The following UTRN variants were observed in gnomAD, a reference collection of about 807,000 sequenced individuals.
UTRN encodes utrophin.
UTRN carries 283 observed loss-of-function variants against 463.9 expected under a neutral mutation model. The ratio of observed to expected loss-of-function variants is 0.61; its 90% CI spans 0.55 to 0.67. The LOEUF is 0.67. Among genes scored for constraint, UTRN ranks in the 30% least tolerant of loss-of-function variants. UTRN has a pLI of 0.00. For missense variants in UTRN, 3,922 were observed against 4,084.3 expected, an observed-to-expected ratio of 0.96 and a Z score of 1.08; for synonymous variants, 1,442 against 1,431.5, an observed-to-expected ratio of 1.01 and a Z score of -0.17.
intron 51 of UTRN, among the ~76,000 whole-genome samples, chr6:144,617,744 G>A (rs1185857810): frequency 1.3e-5 from 2 of 152,158 alleles, no homozygotes; most frequent in South Asian, 4.2e-4. Context: ...CATCAGTCTT[G>A]CTCTGCATAG....
chr6:144,652,248 A>G (rs1357613964), intron 51 of UTRN, among the ~76,000 whole-genome samples: 1 of 152,138 alleles, frequency 6.6e-6, no homozygotes, highest in Non-Finnish European at 1.5e-5. Flanking sequence ...ATTTCCTTTA[A>G]TATTTTGTTA....
At chr6:144,774,410 T>A (rs756570881) in intron 60 of UTRN, 46 bp downstream of exon 60, 245 of 859,110 alleles carry the variant, frequency 2.9e-4, no homozygotes, top group Non-Finnish European at 3.4e-4. Context: ...TTGAATTGCG[T>A]TTTTTTTTTT....
chr6:144,713,560 G>A (rs1267100997), intron 53 of UTRN, among the ~76,000 whole-genome samples: 1 of 151,348 alleles, frequency 6.6e-6, no homozygotes, highest in African/African-American at 2.4e-5. Context: ...GTTGCAGTGA[G>A]CCAAGATCAC....
intron 6 of UTRN, among the ~76,000 whole-genome samples, chr6:144,424,683 A>G (rs1052483376): frequency 6.6e-6 from 1 of 152,218 alleles, no homozygotes; most frequent in Non-Finnish European, 1.5e-5. Context: ...ATAATTTCAC[A>G]TCTAGAAAAG....
intron 54 of UTRN, among the ~76,000 whole-genome samples, chr6:144,744,601 GCATACACACACACACACACACACACA>G (rs201331419): frequency 1.5e-5 from 2 of 133,128 alleles, no homozygotes; most frequent in East Asian, 2.5e-4. Flanking sequence ...GAGTGACAGG[GCATACACACACACACACACACACACA>G]CATACACACA....
rs1418809324 is a variant in UTRN, at chr6:144,839,229, T to C, written c.10122T>C (p.Ser3374=). Residue 3374 remains serine (S), a synonymous_variant, in exon 72 of 75, where the codon TCT becomes TCC. Transcript: ENST00000367545. ...CCCCATGGGCTTCTCCTCAGCATTC[T>C]GCACTGAGCTACTCGCTTGATCCAG... ...GVSPWASPQH[S]ALSYSLDPDA... The C allele has an allele frequency of 6.2e-7, 1 of 1,614,122 alleles. No individual in the cohort carries two copies. The highest frequency in any genetic ancestry group is 1.7e-5 in the Admixed American group (1 of 60,024).
chr6:144,583,613 T>C (rs1278042481), intron 51 of UTRN: 2 of 681,532 alleles, frequency 2.9e-6, no homozygotes, highest in Non-Finnish European at 5.5e-6. Context: ...AACTGAGTGA[T>C]TGAAAATAAG....
rs1274414036 is a variant in UTRN, at chr6:144,286,678, G to T, written c.-93+857G>T. 9.2e-6 allele frequency among the ~76,000 whole-genome samples: 1 copy of T among 108,996 alleles called. No homozygotes were observed. Among genetic ancestry groups the T allele is most frequent in the Non-Finnish European group, 1.8e-5 (1 of 57,030 alleles). 71.5% of individuals were successfully genotyped at this position (108,996 alleles called of 152,430 possible). A position where few individuals can be genotyped will look rare whatever the true frequency, so the allele number is the denominator to read the frequency against. On this transcript the variant is annotated intron_variant, in intron 1 of 74. Coordinates refer to ENST00000367545, the MANE Select transcript of UTRN (RefSeq NM_007124.3). The surrounding 1 kb of genome is among the most constrained non-coding windows in gnomAD (Gnocchi z 4.4). ...AGGCTGTGCAACTTTCAGATGGCAG[G>T]TTGTTCAAAGGATTTTTTCCTCCAA...
chr6:144,499,172 G>A (rs1396360993), intron 33 of UTRN, 85 bp from the exon 34 acceptor site: 2 of 1,406,808 alleles, frequency 1.4e-6, no homozygotes, highest in Non-Finnish European at 9.7e-7. Flanking sequence ...AATCAGTTTG[G>A]ATCTTTAGTT....
chr6:144,845,766 C>T (rs1475380808), intron 73 of UTRN, among the ~76,000 whole-genome samples: 1 of 152,172 alleles, frequency 6.6e-6, no homozygotes, highest in African/African-American at 2.4e-5. Flanking sequence ...CTGGATGTAA[C>T]TTACAGATCT....
At chr6:144,706,837 C>T (rs1313228860) in intron 53 of UTRN, 1 of 152,144 alleles carries the variant, frequency 6.6e-6, no homozygotes, top group African/African-American at 2.4e-5. Context: ...CCACTACAAT[C>T]CAGGTAAAAT....
intron 14 of UTRN, among the ~76,000 whole-genome samples, chr6:144,445,999 A>C (rs1236670213): frequency 6.6e-6 from 1 of 152,208 alleles, no homozygotes; most frequent in Non-Finnish European, 1.5e-5. Flanking sequence ...ACTGCACTCC[A>C]GTCTGGGTGA....
chr6:144,691,150 T>A, intron 52 of UTRN, among the ~76,000 whole-genome samples: 1 of 152,210 alleles, frequency 6.6e-6, no homozygotes, highest in East Asian at 1.9e-4. Context: ...AGAGTCTTGC[T>A]CTGCTGCCCA....
At chr6:144,319,440 C>G (rs1394530139) in intron 2 of UTRN, among the ~76,000 whole-genome samples, 1 of 152,192 alleles carries the variant, frequency 6.6e-6, no homozygotes, top group East Asian at 1.9e-4. Context: ...ACTTGGTTGA[C>G]TAACATCTTT....
intron 56 of UTRN, among the ~76,000 whole-genome samples, chr6:144,752,153 T>C (rs1183124003): frequency 6.6e-6 from 1 of 152,200 alleles, no homozygotes; most frequent in Non-Finnish European, 1.5e-5. Context: ...TTAATTTAAT[T>C]TTTTGATGTA....
chr6:144,392,361 T>C (rs1782014368), intron 2 of UTRN, among the ~76,000 whole-genome samples: 1 of 152,194 alleles, frequency 6.6e-6, no homozygotes, highest in Non-Finnish European at 1.5e-5. Flanking sequence ...ACATAGGACC[T>C]TTAGGGATCT....
chr6:144,747,963 C>T (rs1790948168), intron 54 of UTRN, among the ~76,000 whole-genome samples: 1 of 152,288 alleles, frequency 6.6e-6, no homozygotes, highest in Admixed American at 6.5e-5. Flanking sequence ...TATCTTCTTA[C>T]ATTTCAGTGG....
At chr6:144,363,310 G>A (rs971615195) in intron 2 of UTRN, among the ~76,000 whole-genome samples, 3 of 152,136 alleles carry the variant, frequency 2.0e-5, no homozygotes, top group African/African-American at 7.2e-5. Context: ...CTATACATAT[G>A]TCCATTGGTA....
chr6:144,727,007 C>A (rs1222326733), intron 53 of UTRN, among the ~76,000 whole-genome samples: 4 of 152,338 alleles, frequency 2.6e-5, no homozygotes, highest in Non-Finnish European at 5.9e-5. Context: ...CCTCCCCACA[C>A]CCCTGCACAA....
Sources: allele counts gnomAD v4.1 joint callset (sites outside exome capture counted in the v4.1 genomes callset), GRCh38; gene constraint gnomAD v4.1.1; non-coding constraint Gnocchi (gnomAD v3.1); transcripts MANE v1.5; gene names NCBI Gene and HGNC (gene_info 2026-07-23, HGNC 2026-07-21).